Variants in SV2C observed in about 807,000 individuals in gnomAD.
The protein encoded by SV2C is synaptic vesicle glycoprotein 2C, also known as solute carrier family 22 member B3.
SV2C carries 49 observed loss-of-function variants against 79.7 expected under a neutral mutation model. The observed-to-expected ratio is 0.61, with a 90% CI of 0.49 to 0.78. SV2C has a LOEUF of 0.78. SV2C is among the 30% of genes least tolerant of loss of function. The pLI, the probability that SV2C is intolerant of heterozygous loss-of-function variation, is 0.00. For missense variants in SV2C, 833 were observed against 912.9 expected (o/e 0.91, Z 1.13); for synonymous variants, 334 against 333.2 (o/e 1.00, Z -0.03).
At chr5:76,020,197 T>C in the SV2C span, among the ~76,000 whole-genome samples, 2 of 152,196 alleles carry the variant, frequency 1.3e-5, no homozygotes, top group Non-Finnish European at 2.9e-5. Flanking sequence ...AAGCTAGATA[T>C]GGAAGAACTT....
the SV2C span, among the ~76,000 whole-genome samples, chr5:76,016,413 T>A: frequency 6.6e-6 from 1 of 152,014 alleles, no homozygotes; most frequent in Non-Finnish European, 1.5e-5. Flanking sequence ...CCAAACCACA[T>A]GGAATGAGGA....
At position 76,267,687 on chromosome 5, in the gene SV2C, A is replaced by G. The variant is rs1005796082; in HGVS notation, c.914-17475A>G. Among the ~76,000 whole-genome samples the G allele has an allele frequency of 1.2e-4, 19 of 152,252 alleles. 1 individual carries two copies. Among genetic ancestry groups the G allele is most frequent in the Non-Finnish European group, 1.5e-5 (1 of 68,044 alleles). On this transcript the variant is annotated intron_variant, in intron 4 of 12. Coordinates refer to ENST00000502798, the MANE Select transcript of SV2C (RefSeq NM_014979.4). ...AAAGAGAAAGGCATTGATGCCAAGC[A>G]TGGCTGTTGCAAGATACAAGTCGGG...
chr5:76,203,448 A>G (rs1468166985), intron 3 of SV2C, among the ~76,000 whole-genome samples: 1 of 152,238 alleles, frequency 6.6e-6, no homozygotes, highest in Non-Finnish European at 1.5e-5. Context: ...AATGATCATC[A>G]CCATCTTTAT....
the SV2C span, among the ~76,000 whole-genome samples, chr5:75,869,301 G>A: frequency 6.6e-6 from 1 of 152,162 alleles, no homozygotes; most frequent in Non-Finnish European, 1.5e-5. Context: ...TCCAAGGTGA[G>A]GCAGCATTCA....
rs185303865 is a variant in SV2C at position 76,155,066 on chromosome 5, A to G, written c.580+22736A>G. Among the ~76,000 whole-genome samples the G allele has an allele frequency of 3.9e-5, 6 of 152,312 alleles. No homozygotes were observed. The East Asian group carries it at 1.2e-3, about 29-fold the overall frequency. ...AATAGTCATTATGCATTCTTCTCAC[A>G]CTCAGTAAATTAGGACTCTACCTAA... On this transcript the variant is annotated intron_variant, in intron 2 of 12. Coordinates refer to ENST00000502798, the MANE Select transcript of SV2C (RefSeq NM_014979.4).
chr5:76,313,657 A>G (rs912423880), intron 12 of SV2C, among the ~76,000 whole-genome samples: 81 of 152,200 alleles, frequency 5.3e-4, no homozygotes, highest in African/African-American at 1.8e-3. Flanking sequence ...CTTGTGGGCC[A>G]GCTAAACAAG....
chr5:76,128,832 A>G (rs1432766205), intron 1 of SV2C, among the ~76,000 whole-genome samples: 1 of 152,222 alleles, frequency 6.6e-6, no homozygotes, highest in African/African-American at 2.4e-5. Context: ...ATGATGCTAT[A>G]AACAGCTGCT....
At chr5:76,022,896 T>C in the SV2C span, among the ~76,000 whole-genome samples, 3 of 152,242 alleles carry the variant, frequency 2.0e-5, no homozygotes, top group Non-Finnish European at 4.4e-5. Context: ...GAGATTCACA[T>C]AGCAATTTTA....
chr5:76,117,832 T>C (rs1265461286), intron 1 of SV2C, among the ~76,000 whole-genome samples: 1 of 152,132 alleles, frequency 6.6e-6, no homozygotes, highest in Non-Finnish European at 1.5e-5. Context: ...AGGGCCTTAA[T>C]AAACTTACAA....
At chr5:75,909,434 C>T in the SV2C span, among the ~76,000 whole-genome samples, 27 of 152,208 alleles carry the variant, frequency 1.8e-4, no homozygotes, top group Admixed American at 1.8e-3. Flanking sequence ...ATTGTAGCTG[C>T]TGGGCACACA....
At chr5:76,277,074 G>C (rs910578605) in intron 4 of SV2C, among the ~76,000 whole-genome samples, 3 of 152,152 alleles carry the variant, frequency 2.0e-5, no homozygotes, top group Non-Finnish European at 4.4e-5. Context: ...TATAAGAAAG[G>C]CTAAAATTTA....
At chr5:75,976,011 T>G in the SV2C span, among the ~76,000 whole-genome samples, 3 of 152,184 alleles carry the variant, frequency 2.0e-5, no homozygotes, top group Non-Finnish European at 4.4e-5. Context: ...GCACATGTAC[T>G]TACTGAAACC....
At chr5:75,986,266 T>G in the SV2C span, among the ~76,000 whole-genome samples, 8 of 151,646 alleles carry the variant, frequency 5.3e-5, no homozygotes, top group African/African-American at 1.9e-4. Context: ...ATTACCCAAA[T>G]TGGTCCAGTG....
chr5:76,221,962 T>C (rs565377685), intron 4 of SV2C, among the ~76,000 whole-genome samples: 23 of 152,308 alleles, frequency 1.5e-4, no homozygotes, highest in Non-Finnish European at 2.8e-4. Context: ...AAACAAATTG[T>C]GAATAAATCG....
chr5:76,049,582 G>A, the SV2C span, among the ~76,000 whole-genome samples: 2 of 152,136 alleles, frequency 1.3e-5, no homozygotes, highest in South Asian at 4.1e-4. Flanking sequence ...AGAAGTAGGT[G>A]CCCCCAATTC....
the SV2C span, among the ~76,000 whole-genome samples, chr5:75,851,696 A>G: frequency 2.6e-5 from 4 of 152,030 alleles, no homozygotes; most frequent in South Asian, 6.2e-4. Flanking sequence ...GCTGGAGTGC[A>G]GTGGCGCGAT....
the SV2C span, among the ~76,000 whole-genome samples, chr5:75,900,854 C>T: frequency 6.6e-6 from 1 of 152,060 alleles, no homozygotes; most frequent in Non-Finnish European, 1.5e-5. Context: ...ATCACTGATA[C>T]CCTTTCTTCC....
chr5:76,298,466 A>G (rs1327250360), intron 9 of SV2C, among the ~76,000 whole-genome samples: 1 of 152,208 alleles, frequency 6.6e-6, no homozygotes, highest in Non-Finnish European at 1.5e-5. Context: ...ATTAAAACCT[A>G]AAGAATAGCC....
the SV2C span, among the ~76,000 whole-genome samples, chr5:76,001,231 T>C: frequency 6.6e-6 from 1 of 152,136 alleles, no homozygotes; most frequent in Non-Finnish European, 1.5e-5. Flanking sequence ...GTCTGGGGGC[T>C]GCAGGGAGCA....
Sources: gnomAD v4.1 joint callset for allele counts (sites outside exome capture counted in the v4.1 genomes callset) on GRCh38, gnomAD v4.1.1 for gene constraint, MANE v1.5 for transcripts, NCBI Gene and HGNC (gene_info 2026-07-23, HGNC 2026-07-21) for gene names.